RPS6KA5: variants seen among roughly 807,000 people sequenced by gnomAD.
The protein encoded by RPS6KA5 is ribosomal protein S6 kinase alpha-5.
RPS6KA5 carries 27 observed loss-of-function variants against 85.5 expected under a neutral mutation model. The observed-to-expected ratio is 0.32, with a 90% CI of 0.23 to 0.44. RPS6KA5 has a LOEUF of 0.44. Ranked by LOEUF, RPS6KA5 falls within the 20% of genes least tolerant of loss-of-function variation. The pLI is 1.00. For synonymous variants in RPS6KA5, 334 were observed against 348.2 expected (o/e 0.96, Z 0.46); for missense variants, 811 against 980.9 (o/e 0.83, Z 2.31).
intron 3 of RPS6KA5, among the ~76,000 whole-genome samples, chr14:90,956,904 T>C (rs1235927996): frequency 6.6e-6 from 1 of 151,582 alleles, no homozygotes; most frequent in Non-Finnish European, 1.5e-5. Context: ...TGAGACAAGA[T>C]AGAAGGGGAA....
intron 3 of RPS6KA5, among the ~76,000 whole-genome samples, chr14:90,960,591 A>G (rs1271880088): frequency 1.3e-5 from 2 of 152,184 alleles, no homozygotes; most frequent in African/African-American, 2.4e-5. Context: ...ATTTCCTCAT[A>G]TAAAATACAT....
At chr14:90,895,107 T>C (rs1028477542) in intron 12 of RPS6KA5, among the ~76,000 whole-genome samples, 4 of 151,778 alleles carry the variant, frequency 2.6e-5, no homozygotes, top group African/African-American at 9.7e-5. Flanking sequence ...ATCTGAATAC[T>C]GACTGAGTAG....
Position 90,849,183 on chromosome 14 carries a change from CAA to C in RPS6KA5, c.*22889_*22890del, listed in dbSNP as rs2031863485. 1 of 152,226 alleles carries C rather than the reference CAA, an allele frequency of 6.6e-6. No individual in the cohort carries two copies. The highest frequency in any genetic ancestry group is 2.1e-4 in the South Asian group (1 of 4,830). 9.4% of individuals were successfully genotyped at this position (152,226 alleles called of 1,614,324 possible). On this transcript the variant is annotated 3_prime_UTR_variant, in exon 17 of 17. Coordinates refer to ENST00000614987, the MANE Select transcript of RPS6KA5 (RefSeq NM_004755.4). Reference sequence around the variant, plus strand: ...GTCTGAATCTAATAGATGCCACTCTCAAATTCTGAGGAGGATGAATTAGCTAC... The same window carrying C: ...GTCTGAATCTAATAGATGCCACTCTCATTCTGAGGAGGATGAATTAGCTAC...
At chr14:90,975,739 G>A (rs2039536096) in intron 3 of RPS6KA5, among the ~76,000 whole-genome samples, 1 of 152,190 alleles carries the variant, frequency 6.6e-6, no homozygotes. Context: ...GTGTGCATTA[G>A]GGCACTGCAA....
chr14:90,919,511 A>G (rs958929747), intron 7 of RPS6KA5, among the ~76,000 whole-genome samples: 1 of 152,222 alleles, frequency 6.6e-6, no homozygotes, highest in Non-Finnish European at 1.5e-5. Context: ...GGACAAAAAC[A>G]TAACTAGTAA....
At chr14:91,027,758 G>C (rs2042037580) in intron 1 of RPS6KA5, among the ~76,000 whole-genome samples, 1 of 152,170 alleles carries the variant, frequency 6.6e-6, no homozygotes, top group Admixed American at 6.5e-5. Context: ...AGTTGATGAA[G>C]TAGTGGAAAT....
intron 9 of RPS6KA5, among the ~76,000 whole-genome samples, chr14:90,902,383 G>C (rs915671574): frequency 1.3e-4 from 20 of 152,126 alleles, no homozygotes; most frequent in Admixed American, 3.9e-4. Context: ...TATCCCAGAG[G>C]CTAAGGTGAG....
chr14:90,972,252 G>A (rs1260885689), intron 3 of RPS6KA5, among the ~76,000 whole-genome samples: 1 of 152,056 alleles, frequency 6.6e-6, no homozygotes, highest in African/African-American at 2.4e-5. Context: ...CAGACAATGT[G>A]ATTCTAAAGT....
chr14:90,975,549 G>C (rs2039526915), intron 3 of RPS6KA5, among the ~76,000 whole-genome samples: 1 of 152,210 alleles, frequency 6.6e-6, no homozygotes, highest in Non-Finnish European at 1.5e-5. Flanking sequence ...TGGTAAGACA[G>C]TGGCCATCTG....
intron 3 of RPS6KA5, among the ~76,000 whole-genome samples, chr14:90,953,327 C>G (rs117925270): frequency 1.3e-5 from 2 of 152,092 alleles, no homozygotes; most frequent in South Asian, 4.1e-4. Context: ...CTTATAATTT[C>G]TTATACGTGT....
intron 3 of RPS6KA5, among the ~76,000 whole-genome samples, chr14:90,966,506 C>T (rs367758457): frequency 4.6e-5 from 7 of 152,250 alleles, no homozygotes; most frequent in African/African-American, 1.7e-4. Context: ...ATCTCCAAAG[C>T]TTCTAAAATA....
Position 90,852,797 on chromosome 14 carries a change from T to C in RPS6KA5, c.*19277A>G, listed in dbSNP as rs943112470. 1.4e-5 allele frequency: 2 copies of C among 145,872 alleles called. No homozygotes were observed. The highest frequency in any genetic ancestry group is 3.0e-5 in the Non-Finnish European group (2 of 66,936). 9.0% of individuals were successfully genotyped at this position (145,872 alleles called of 1,614,324 possible). ...CAGGCTGGAGTGCAGTGGCGCGATC[T>C]CGGCTCACTACAAGCTCCGCCTCCC... On this transcript the variant is annotated 3_prime_UTR_variant, in exon 17 of 17. Coordinates refer to ENST00000614987, the MANE Select transcript of RPS6KA5 (RefSeq NM_004755.4).
At chr14:91,020,777 G>T (rs2041736695) in intron 1 of RPS6KA5, among the ~76,000 whole-genome samples, 1 of 151,484 alleles carries the variant, frequency 6.6e-6, no homozygotes, top group Non-Finnish European at 1.5e-5. Flanking sequence ...ATCAGATATT[G>T]CCTTTATTTT....
intron 16 of RPS6KA5, among the ~76,000 whole-genome samples, chr14:90,872,608 ACAATTGACTGGAAATTCCTGAAGACCAT>A (rs1249203767): frequency 6.6e-6 from 1 of 152,168 alleles, no homozygotes. Flanking sequence ...CTAATACGAA[ACAATTGACTGGAAATTCCTGAAGACCAT>A]CAGTAATCTA....
intron 7 of RPS6KA5, among the ~76,000 whole-genome samples, chr14:90,909,230 G>A (rs1197584031): frequency 6.6e-6 from 1 of 152,144 alleles, no homozygotes; most frequent in Non-Finnish European, 1.5e-5. Flanking sequence ...ACAAGGGCAG[G>A]GAGACATTTC....
chr14:90,915,058 C>T (rs528679505), intron 7 of RPS6KA5, among the ~76,000 whole-genome samples: 1 of 152,186 alleles, frequency 6.6e-6, no homozygotes, highest in African/African-American at 2.4e-5. Flanking sequence ...AGGATTTTAT[C>T]ATAAAGACCT....
intron 3 of RPS6KA5, among the ~76,000 whole-genome samples, chr14:90,952,947 G>A (rs2038284301): frequency 6.6e-6 from 1 of 152,162 alleles, no homozygotes; most frequent in African/African-American, 2.4e-5. Flanking sequence ...AAGTCTATGG[G>A]GAGCTCCACT....
At chr14:90,901,578 C>G (rs1324211556) in intron 9 of RPS6KA5, among the ~76,000 whole-genome samples, 1 of 152,098 alleles carries the variant, frequency 6.6e-6, no homozygotes, top group Non-Finnish European at 1.5e-5. Context: ...GATGATTAAT[C>G]CGTTCAAGCT....
intron 2 of RPS6KA5, among the ~76,000 whole-genome samples, chr14:90,979,858 A>C (rs1268657515): frequency 6.6e-6 from 1 of 152,238 alleles, no homozygotes; most frequent in Non-Finnish European, 1.5e-5. Flanking sequence ...CTGAGGCAAG[A>C]AGCAGCAGAA....
Sources: gnomAD v4.1 joint callset for allele counts (sites outside exome capture counted in the v4.1 genomes callset) on GRCh38, gnomAD v4.1.1 for gene constraint, MANE v1.5 for transcripts, NCBI Gene and HGNC (gene_info 2026-07-23, HGNC 2026-07-21) for gene names.